Variants in ZNF737 observed in about 807,000 individuals in gnomAD.
The protein encoded by ZNF737 is zinc finger protein 737, also known as zinc finger protein 102 (Y3).
ZNF737 carries 13 observed loss-of-function variants against 11.7 expected under a neutral mutation model. The observed-to-expected ratio is 1.11, with a 90% CI of 0.73 to 1.77. The LOEUF (loss-of-function observed/expected upper bound fraction) is 1.77, where lower values mean the gene tolerates loss of function less well. Ranked by LOEUF, ZNF737 falls within the 40% of genes most tolerant of loss-of-function variation. ZNF737 has a pLI of 0.00. For missense variants in ZNF737, 636 were observed against 638.0 expected (o/e 1.00, Z 0.03); for synonymous variants, 217 against 216.2 (o/e 1.00, Z -0.03).
At position 20,553,790 on chromosome 19, in the gene ZNF737, C is replaced by T; in HGVS notation, c.49G>A (p.Glu17Lys). The T allele has an allele frequency of 6.2e-7, 1 of 1,613,990 alleles. No homozygotes were observed. Among genetic ancestry groups the T allele is most frequent in the Non-Finnish European group, 8.5e-7 (1 of 1,179,938 alleles). The change falls in exon 2 of 4, where the codon GAG becomes AAG. Residue 17 changes from glutamate (E) to lysine (K), a missense_variant. Transcript: ENST00000427401. ...RDVAIEFSLE[E>K]WHCLDTAQRN... Reference sequence around the variant, plus strand: ...TGTGCAGTGTCCAGGCAATGCCACTCCTCCAGAGAGAATTCTATGGCCACG... The same window carrying T: ...TGTGCAGTGTCCAGGCAATGCCACTTCTCCAGAGAGAATTCTATGGCCACG...
intron 1 of ZNF737, among the ~76,000 whole-genome samples, chr19:20,563,521 T>C (rs1188207485): frequency 6.7e-6 from 1 of 149,452 alleles, no homozygotes; most frequent in African/African-American, 2.5e-5. Context: ...GGAGTCACCC[T>C]GTGGCCCAGG....
intron 3 of ZNF737, 60 bp from the exon 4 acceptor site, chr19:20,546,036 C>T (rs1386469237): frequency 1.3e-6 from 2 of 1,484,250 alleles, no homozygotes; most frequent in East Asian, 2.3e-5. Context: ...ATATACTTTA[C>T]AGATCTAACC....
At chr19:20,557,063 T>C (rs1391937154) in intron 1 of ZNF737, among the ~76,000 whole-genome samples, 3 of 152,254 alleles carry the variant, frequency 2.0e-5, no homozygotes, top group African/African-American at 7.2e-5. Flanking sequence ...AAGAGGTTAA[T>C]GTAGTTTAGA....
intron 3 of ZNF737, among the ~76,000 whole-genome samples, chr19:20,551,448 A>G (rs1555758371): frequency 7.2e-6 from 1 of 138,230 alleles, no homozygotes; most frequent in African/African-American, 2.6e-5. Flanking sequence ...AAAAAAAAAA[A>G]AAGAAAGAAA....
At position 20,538,285 on chromosome 19, in the gene ZNF737, C is replaced by T. The variant is rs1555754326; in HGVS notation, c.*6307G>A. Among the ~76,000 whole-genome samples, 1 of 152,192 alleles carries T rather than the reference C, an allele frequency of 6.6e-6. No individual in the cohort carries two copies. Among genetic ancestry groups the T allele is most frequent in the East Asian group, 1.9e-4 (1 of 5,192 alleles). On this transcript the variant is annotated 3_prime_UTR_variant, in exon 4 of 4. Transcript: ENST00000427401. ...TTTGCCCTGGCATGCTTATACTAATCCAAGCAAGCATTAGGTCATAGCCTG... is the reference window on the plus strand; with the variant it reads ...TTTGCCCTGGCATGCTTATACTAATTCAAGCAAGCATTAGGTCATAGCCTG...
At chr19:20,557,407 C>G (rs2562617) in intron 1 of ZNF737, among the ~76,000 whole-genome samples, 104,156 of 150,796 alleles carry the variant, frequency 0.69, 37,546 homozygotes, top group African/African-American at 0.91. Flanking sequence ...CTGGGTCTGG[C>G]TCAGGGTGAG....
At chr19:20,560,849 T>C (rs1183871940) in intron 1 of ZNF737, among the ~76,000 whole-genome samples, 2 of 152,164 alleles carry the variant, frequency 1.3e-5, no homozygotes, top group African/African-American at 4.8e-5. Flanking sequence ...TTTTTATTTA[T>C]AAGTAACAGC....
chr19:20,558,276 G>A (rs1476850720), intron 1 of ZNF737, among the ~76,000 whole-genome samples: 5 of 71,356 alleles, frequency 7.0e-5, no homozygotes, highest in African/African-American at 1.2e-4. Flanking sequence ...CAGAGACTCC[G>A]TCTCAAAAAA....
At position 20,551,963 on chromosome 19, in the gene ZNF737, T is replaced by C. The variant is rs565889685; in HGVS notation, c.226+512A>G. Among the ~76,000 whole-genome samples the C allele has an allele frequency of 8.6e-4, 64 of 74,750 alleles. No individual in the cohort carries two copies. The African/African-American group carries it at 9.2e-3, about 11-fold the overall frequency. 49.0% of individuals were successfully genotyped at this position (74,750 alleles called of 152,430 possible). On this transcript the variant is annotated intron_variant, in intron 3 of 3. Coordinates refer to ENST00000427401, the MANE Select transcript of ZNF737 (RefSeq NM_001159293.2). ...AAACTCTGAATAGCCAAAGCAATCT[T>C]GAAAAAAAAAAAGAACAAAGCAGAA...
Position 20,542,050 on chromosome 19 carries a change from C to T in ZNF737, c.*2542G>A. On this transcript the variant is annotated 3_prime_UTR_variant, in exon 4 of 4. Transcript: ENST00000427401. ...TTAACTCATTTGCAGTTTAAAGCCA[C>T]TGACAGTGATTACTAAAGATGTTAT... is the stretch of plus-strand genomic sequence containing the variant. 1 of 985,152 alleles carries T rather than the reference C, an allele frequency of 1.0e-6. No homozygotes were observed. Among genetic ancestry groups the T allele is most frequent in the Non-Finnish European group, 1.2e-6 (1 of 829,760 alleles). The allele number at this position is 985,152 out of a possible 1,614,324, so 61.0% of individuals were successfully genotyped here.
Position 20,553,810 on chromosome 19 carries a change from G to A in ZNF737, c.29C>T (p.Ala10Val). 1 of 1,613,726 alleles carries A rather than the reference G, an allele frequency of 6.2e-7. No homozygotes were observed. The highest frequency in any genetic ancestry group is 8.5e-7 in the Non-Finnish European group (1 of 1,179,894). The change falls in exon 2 of 4, where the codon GCC (alanine) becomes GTC (valine). Residue 10 changes from alanine (A) to valine (V), a missense_variant. Physicochemically the swap from Ala to Val is moderately conservative, Grantham distance 64. Coordinates refer to ENST00000427401, the MANE Select transcript of ZNF737 (RefSeq NM_001159293.2). MGPLQFRDVAIEFSLEEWHC... is the reference protein window; with the variant it reads MGPLQFRDVVIEFSLEEWHC... ...CCACTCCTCCAGAGAGAATTCTATG[G>A]CCACGTCTCTAAATTGCAATGGCCC...
intron 3 of ZNF737, 147 bp downstream of exon 3, chr19:20,552,328 A>G: frequency 1.8e-6 from 1 of 545,006 alleles, no homozygotes; most frequent in Non-Finnish European, 2.9e-6. Flanking sequence ...CAAAATTTAA[A>G]AAAGAAAAAA....
At position 20,565,530 on chromosome 19, in the gene ZNF737, C is replaced by T; in HGVS notation, c.3+108G>A. 3.2e-6 allele frequency: 5 copies of T among 1,571,370 alleles called. No individual in the cohort carries two copies. In the South Asian group the frequency reaches 5.5e-5, roughly 17 times the overall value. The stretch of plus-strand genomic sequence containing the variant: ...AGCTGGGCAAGGAGAACTCAGGGTG[C>T]AGATTGTGGAGCTGACTGCGCAGAG... On this transcript the variant is annotated intron_variant, in intron 1 of 3. Coordinates refer to ENST00000427401, the MANE Select transcript of ZNF737 (RefSeq NM_001159293.2).
Position 20,545,872 on chromosome 19 carries a change from A to G in ZNF737, c.331T>C (p.Leu111=). The G allele has an allele frequency of 6.2e-7, 1 of 1,613,390 alleles. No individual in the cohort carries two copies. Residue 111 remains leucine, a synonymous_variant, in exon 4 of 4, where the codon TTA becomes CTA. Coordinates refer to ENST00000427401, the MANE Select transcript of ZNF737 (RefSeq NM_001159293.2). ...CTTTCACAGCCCTTTTTAAACTGTAAATTGTCATGTCCATAGTTTTCATAT... is the reference window on the plus strand; with the variant it reads ...CTTTCACAGCCCTTTTTAAACTGTAGATTGTCATGTCCATAGTTTTCATAT... ...RRYENYGHDN[L]QFKKGCESVD...
chr19:20,537,955 T>C, downstream of ZNF737: 1 of 596,348 alleles, frequency 1.7e-6, no homozygotes, highest in Non-Finnish European at 2.1e-6. Flanking sequence ...TCAAGTACTA[T>C]ACATAATCTT....
At chr19:20,547,258 G>A (rs1268165570) in intron 3 of ZNF737, among the ~76,000 whole-genome samples, 5 of 151,870 alleles carry the variant, frequency 3.3e-5, no homozygotes, top group African/African-American at 4.8e-5. Context: ...GCAGGCGCCT[G>A]TAGTCCCAGC....
At chr19:20,534,108 GC>G (rs1967894803), downstream of ZNF737, among the ~76,000 whole-genome samples, 2 of 149,968 alleles carry the variant, frequency 1.3e-5, no homozygotes, top group Non-Finnish European at 3.0e-5. Context: ...CCCCTAATTG[GC>G]TGATTTAAAT....
rs782690397 is a variant in ZNF737, at chr19:20,545,227, A to AG, written c.975dup (p.Ser326LeufsTer7). 8 of 1,613,886 alleles carry AG rather than the reference A, an allele frequency of 5.0e-6. 1 individual carries two copies. Among genetic ancestry groups the AG allele is most frequent in the Non-Finnish European group, 6.8e-6 (8 of 1,179,962 alleles). On this transcript the variant is annotated frameshift_variant, in exon 4 of 4. Coordinates refer to ENST00000427401, the MANE Select transcript of ZNF737 (RefSeq NM_001159293.2). LOFTEE classifies it low-confidence loss of function (END_TRUNC). ...ATTCTTTTATGTGTAGTAAGGACAG[A>AG]GGGGTGCTTAAAGGCTTTGCCACAT... is the stretch of plus-strand genomic sequence containing the variant.
At chr19:20,530,628 C>T in the ZNF737 span, among the ~76,000 whole-genome samples, 17 of 145,274 alleles carry the variant, frequency 1.2e-4, no homozygotes, top group South Asian at 4.7e-4. Flanking sequence ...ACATCCCAGA[C>T]GGGGCGGCGG....
Sources: gnomAD v4.1 joint callset for allele counts (sites outside exome capture counted in the v4.1 genomes callset) on GRCh38, gnomAD v4.1.1 for gene constraint, MANE v1.5 for transcripts, NCBI Gene and HGNC (gene_info 2026-07-23, HGNC 2026-07-21) for gene names.